The following BTBD10 variants were observed in gnomAD, a reference collection of about 807,000 sequenced individuals.
The protein encoded by BTBD10 is BTB/POZ domain-containing protein 10.
Under a neutral mutation model 53.2 loss-of-function variants are expected in BTBD10, and 21 were observed. The ratio of observed to expected loss-of-function variants is 0.39; its 90% CI spans 0.28 to 0.57. The LOEUF (loss-of-function observed/expected upper bound fraction) is 0.57. Among genes scored for constraint, BTBD10 ranks in the 20% least tolerant of loss-of-function variants. The pLI is 0.53. For synonymous variants in BTBD10, 149 were observed against 192.7 expected (o/e 0.77, Z 1.88); for missense variants, 360 against 594.7 (o/e 0.61, Z 4.10).
At chr11:13,421,871 A>T (rs760529614) in intron 2 of BTBD10, 33 bp from the exon 3 acceptor site, 3 of 1,539,134 alleles carry the variant, frequency 1.9e-6, no homozygotes, top group South Asian at 2.4e-5. Flanking sequence ...TAACCATAAA[A>T]GCAGAACATA....
intron 1 of BTBD10, among the ~76,000 whole-genome samples, chr11:13,445,666 T>C (rs1167014469): frequency 6.6e-6 from 1 of 152,216 alleles, no homozygotes; most frequent in East Asian, 1.9e-4. Flanking sequence ...AAACTCTGAA[T>C]AGAAATTTAA....
chr11:13,458,102 G>C (rs1464727688), intron 1 of BTBD10, among the ~76,000 whole-genome samples: 2 of 135,226 alleles, frequency 1.5e-5, no homozygotes, highest in African/African-American at 5.9e-5. Flanking sequence ...AGAAGTTCAA[G>C]GTCAGCCTGG....
chr11:13,429,866 G>C (rs1950414495), intron 2 of BTBD10, among the ~76,000 whole-genome samples: 1 of 152,204 alleles, frequency 6.6e-6, no homozygotes, highest in Non-Finnish European at 1.5e-5. Context: ...CACCTTGCGA[G>C]GTTGAGGTGG....
intron 2 of BTBD10, among the ~76,000 whole-genome samples, chr11:13,441,499 A>G (rs1051780726): frequency 2.6e-4 from 40 of 152,110 alleles, no homozygotes; most frequent in African/African-American, 9.4e-4. Context: ...ATGATTTTTT[A>G]AAGTACCTAA....
chr11:13,449,385 A>G (rs571448388), intron 1 of BTBD10, among the ~76,000 whole-genome samples: 18 of 152,318 alleles, frequency 1.2e-4, no homozygotes, highest in African/African-American at 3.8e-4. Context: ...GGAAATCTTA[A>G]GAGATAAGAT....
At chr11:13,422,387 C>T (rs1429109183) in intron 2 of BTBD10, among the ~76,000 whole-genome samples, 1 of 152,172 alleles carries the variant, frequency 6.6e-6, no homozygotes, top group Admixed American at 6.5e-5. Flanking sequence ...GTGAATCACA[C>T]CTGTAATCCC....
At chr11:13,449,974 C>A in intron 1 of BTBD10, among the ~76,000 whole-genome samples, 1 of 152,134 alleles carries the variant, frequency 6.6e-6, no homozygotes. Flanking sequence ...CACAGTCAAA[C>A]CATAGCACAC....
intron 1 of BTBD10, among the ~76,000 whole-genome samples, chr11:13,447,892 CAAACAT>C (rs1306555919): frequency 1.3e-5 from 2 of 152,072 alleles, no homozygotes; most frequent in Non-Finnish European, 2.9e-5. Flanking sequence ...TTTGCCTACA[CAAACAT>C]AACGTGTTTT....
chr11:13,432,824 AC>A (rs904791601), intron 2 of BTBD10, among the ~76,000 whole-genome samples: 46 of 152,176 alleles, frequency 3.0e-4, no homozygotes, highest in Admixed American at 2.0e-4. Flanking sequence ...GGAAAATAAG[AC>A]AGCATTAAAA....
chr11:13,422,973 C>A (rs1047674502), intron 2 of BTBD10, among the ~76,000 whole-genome samples: 1 of 152,070 alleles, frequency 6.6e-6, no homozygotes. Context: ...TCCCAACTTC[C>A]AAATATAAAA....
At chr11:13,400,305 T>C (rs1591097368) in intron 8 of BTBD10, among the ~76,000 whole-genome samples, 1 of 152,238 alleles carries the variant, frequency 6.6e-6, no homozygotes, top group Non-Finnish European at 1.5e-5. Context: ...ACTGCTGTGC[T>C]AGCAATGAGC....
At chr11:13,402,519 C>G (rs1949735562) in intron 8 of BTBD10, among the ~76,000 whole-genome samples, 1 of 152,124 alleles carries the variant, frequency 6.6e-6, no homozygotes, top group African/African-American at 2.4e-5. Flanking sequence ...TAATCTGGCT[C>G]CAAAGCTTTT....
chr11:13,400,348 G>A (rs188867383), intron 8 of BTBD10, among the ~76,000 whole-genome samples: 1 of 152,240 alleles, frequency 6.6e-6, no homozygotes, highest in African/African-American at 2.4e-5. Context: ...CTCAGAGCCA[G>A]GTGTGGGATA....
chr11:13,440,240 G>A (rs1403126640), intron 2 of BTBD10: 4 of 1,290,762 alleles, frequency 3.1e-6, no homozygotes, highest in African/African-American at 1.5e-5. Flanking sequence ...TCAGCCGTGG[G>A]TTGTGCAGCA....
intron 2 of BTBD10, among the ~76,000 whole-genome samples, chr11:13,425,590 G>T (rs1210242710): frequency 6.6e-6 from 1 of 151,966 alleles, no homozygotes; most frequent in East Asian, 1.9e-4. Flanking sequence ...AGACATACCA[G>T]ATTAAAAAAA....
intron 8 of BTBD10, among the ~76,000 whole-genome samples, chr11:13,390,823 T>C (rs188905649): frequency 6.6e-6 from 1 of 152,298 alleles, no homozygotes; most frequent in East Asian, 1.9e-4. Context: ...CAAATAGCCA[T>C]GTGTGGAGTA....
At chr11:13,422,854 T>G (rs1165491917) in intron 2 of BTBD10, among the ~76,000 whole-genome samples, 1 of 152,206 alleles carries the variant, frequency 6.6e-6, no homozygotes, top group East Asian at 1.9e-4. Flanking sequence ...ACATACTACA[T>G]GCACAATGCT....
intron 5 of BTBD10, among the ~76,000 whole-genome samples, chr11:13,414,389 C>T (rs1342955890): frequency 1.3e-5 from 2 of 152,134 alleles, no homozygotes; most frequent in Non-Finnish European, 2.9e-5. Context: ...TACCATGACT[C>T]ACGCCTATAA....
chr11:13,454,966 A>G (rs1950932833), intron 1 of BTBD10, among the ~76,000 whole-genome samples: 1 of 152,200 alleles, frequency 6.6e-6, no homozygotes, highest in South Asian at 2.1e-4. Context: ...GCTGGGGTGC[A>G]ATGATGCAAT....
Sources: allele counts gnomAD v4.1 joint callset (sites outside exome capture counted in the v4.1 genomes callset), GRCh38; gene constraint gnomAD v4.1.1; transcripts MANE v1.5; gene names NCBI Gene and HGNC (gene_info 2026-07-23, HGNC 2026-07-21).